BLTP2: variants seen among roughly 807,000 people sequenced by gnomAD.
BLTP2 encodes bridge-like lipid transfer protein family member 2.
At chr17:28,616,267 CTCT>C in the BLTP2 span, 1 of 1,598,102 alleles carries the variant, frequency 6.3e-7, no homozygotes, top group African/African-American at 1.3e-5. The surrounding 1 kb of genome is among the most constrained non-coding windows in gnomAD (Gnocchi z 4.8). Context: ...AAACATCTCC[CTCT>C]TCTTTTATCC....
chr17:28,614,844 C>T, the BLTP2 span: 1 of 477,594 alleles, frequency 2.1e-6, no homozygotes, highest in Non-Finnish European at 3.7e-6. Context: ...GTCTTGCTCT[C>T]TTGTTGCCTC....
chr17:28,639,139 T>C, the BLTP2 span: 116 of 660,194 alleles, frequency 1.8e-4, no homozygotes, highest in Admixed American at 2.9e-4. Context: ...GACAGCATTC[T>C]GCTATCAAGG....
the BLTP2 span, chr17:28,635,694 G>A: frequency 7.2e-7 from 1 of 1,386,626 alleles, no homozygotes; most frequent in East Asian, 2.4e-5. Context: ...ATGCACACCT[G>A]GCTCAAGAAC....
At chr17:28,621,428 G>A in the BLTP2 span, 1 of 1,614,056 alleles carries the variant, frequency 6.2e-7, no homozygotes, top group Non-Finnish European at 8.5e-7. Context: ...GCCGCCCACT[G>A]CCTGCCCACT....
chr17:28,623,481 A>G, the BLTP2 span, among the ~76,000 whole-genome samples: 1 of 152,204 alleles, frequency 6.6e-6, no homozygotes, highest in African/African-American at 2.4e-5. Flanking sequence ...GATTAGTGTG[A>G]ACATTAATAG....
At chr17:28,635,561 T>A in the BLTP2 span, 220 of 1,614,162 alleles carry the variant, frequency 1.4e-4, no homozygotes, top group African/African-American at 2.2e-3. Flanking sequence ...TACAGGTACA[T>A]GTGATCTGGG....
At chr17:28,633,681 A>G in the BLTP2 span, 1 of 1,614,012 alleles carries the variant, frequency 6.2e-7, no homozygotes, top group Admixed American at 1.7e-5. Flanking sequence ...AGAGGTCCAC[A>G]CACTGGCCAA....
the BLTP2 span, among the ~76,000 whole-genome samples, chr17:28,631,117 C>T: frequency 6.6e-6 from 1 of 152,162 alleles, no homozygotes; most frequent in South Asian, 2.1e-4. Flanking sequence ...CCCAATGTAA[C>T]AGTATGTGGA....
At chr17:28,630,549 C>T in the BLTP2 span, among the ~76,000 whole-genome samples, 3 of 146,700 alleles carry the variant, frequency 2.0e-5, no homozygotes, top group Admixed American at 1.4e-4. Flanking sequence ...GGTGTGACCT[C>T]GGCTCTCTGC....
chr17:28,643,439 C>T, the BLTP2 span: 7 of 1,409,576 alleles, frequency 5.0e-6, no homozygotes, highest in Non-Finnish European at 6.9e-6. Flanking sequence ...AGTTTCATAG[C>T]AGTTATCAAT....
the BLTP2 span, chr17:28,616,612 T>C: frequency 6.2e-7 from 1 of 1,614,208 alleles, no homozygotes; most frequent in Non-Finnish European, 8.5e-7. This position sits in a 1 kb window ranked among gnomAD's most constrained non-coding sequence, Gnocchi z 4.8. Context: ...CCATAAAAGT[T>C]CTCACCAGTA....
chr17:28,640,420 T>G, the BLTP2 span: 1 of 876,336 alleles, frequency 1.1e-6, no homozygotes, highest in Non-Finnish European at 1.8e-6. Context: ...TTTTAATTTT[T>G]CCCACACTAC....
the BLTP2 span, chr17:28,631,988 G>A: frequency 1.9e-6 from 3 of 1,607,180 alleles, no homozygotes; most frequent in Non-Finnish European, 2.6e-6. Context: ...CTCAATATGA[G>A]AAACAAGAAA....
At chr17:28,633,743 A>G in the BLTP2 span, 983 of 1,613,466 alleles carry the variant, frequency 6.1e-4, no homozygotes, top group Non-Finnish European at 7.8e-4. Flanking sequence ...GTGTACTGGA[A>G]TATTTCCGCT....
the BLTP2 span, chr17:28,635,870 G>A: frequency 5.0e-6 from 2 of 400,888 alleles, no homozygotes; most frequent in African/African-American, 2.0e-5. Context: ...TGAAAATAGG[G>A]GCCATGTGTC....
the BLTP2 span, chr17:28,640,029 G>A: frequency 6.2e-7 from 1 of 1,612,942 alleles, no homozygotes; most frequent in Non-Finnish European, 8.5e-7. Flanking sequence ...CAGGTGCCTG[G>A]ACCGAGACAG....
chr17:28,635,425 T>G, the BLTP2 span: 8 of 1,614,156 alleles, frequency 5.0e-6, no homozygotes, highest in South Asian at 8.8e-5. Context: ...GGGTAATGGC[T>G]CAGGGGCACG....
chr17:28,615,846 C>T, the BLTP2 span: 1 of 1,598,510 alleles, frequency 6.3e-7, no homozygotes, highest in South Asian at 1.1e-5. Context: ...GTGGGGAATA[C>T]ATCAGCTGCC....
the BLTP2 span, chr17:28,635,499 C>CAA: frequency 3.7e-6 from 6 of 1,614,156 alleles, no homozygotes; most frequent in Non-Finnish European, 5.1e-6. Context: ...TCTCAGGAAA[C>CAA]ACAGTGGCTC....
Sources: gnomAD v4.1 joint callset for allele counts (sites outside exome capture counted in the v4.1 genomes callset) on GRCh38, gnomAD v4.1.1 for gene constraint, Gnocchi (gnomAD v3.1) non-coding constraint, MANE v1.5 for transcripts, NCBI Gene and HGNC (gene_info 2026-07-23, HGNC 2026-07-21) for gene names.